Variants in CEACAM21 observed in about 807,000 individuals in gnomAD.
CEACAM21 encodes cell adhesion molecule CEACAM21.
CEACAM21 carries 38 observed loss-of-function variants against 33.2 expected under a neutral mutation model. The observed-to-expected ratio is 1.14, with a 90% CI of 0.88 to 1.50. The LOEUF (loss-of-function observed/expected upper bound fraction) is 1.50, where lower values mean the gene tolerates loss of function less well. Among genes scored for constraint, CEACAM21 ranks in the 40% most tolerant of loss-of-function variants. The pLI is 0.00. For synonymous variants in CEACAM21, 156 were observed against 143.0 expected (o/e 1.09, Z -0.65); for missense variants, 385 against 364.6 (o/e 1.06, Z -0.46).
chr19:41,571,897 G>A (rs1568597783), upstream of CEACAM21, among the ~76,000 whole-genome samples: 3 of 151,552 alleles, frequency 2.0e-5, no homozygotes, highest in Non-Finnish European at 4.4e-5. Flanking sequence ...GGCAGAATCT[G>A]TTGCCCACTC....
At position 41,586,454 on chromosome 19, in the gene CEACAM21, GT is replaced by G; in HGVS notation, c.*1-5del. The G allele has an allele frequency of 1.6e-6, 1 of 639,294 alleles. No homozygotes were observed. Among genetic ancestry groups the G allele is most frequent in the South Asian group, 1.4e-5 (1 of 73,482 alleles). 39.6% of individuals were successfully genotyped at this position (639,294 alleles called of 1,614,324 possible). A position where few individuals can be genotyped will look rare whatever the true frequency, so the allele number is the denominator to read the frequency against. The stretch of plus-strand genomic sequence containing the variant: ...CCTCAGGGGTCAAGACCTCTTCTCT[GT>G]TTTTACAGGAATTGCTACACTCTGA... On this transcript the variant is annotated splice_polypyrimidine_tract_variant and intron_variant, in intron 6 of 6. Transcript: ENST00000401445.
chr19:41,576,605 A>C (rs1555791143), intron 1 of CEACAM21, among the ~76,000 whole-genome samples: 1 of 152,250 alleles, frequency 6.6e-6, no homozygotes, highest in South Asian at 2.1e-4. Flanking sequence ...GTGACAATTT[A>C]AATAAAAACA....
intron 2 of CEACAM21, chr19:41,565,118 A>G (rs2042162827): frequency 6.6e-6 from 1 of 152,572 alleles, no homozygotes. Context: ...CTGGGAGGCC[A>G]GCTGTGGCTG....
At position 41,585,428 on chromosome 19, in the gene CEACAM21, C is replaced by T. The variant is rs143525927; in HGVS notation, c.798-15C>T. The T allele has an allele frequency of 3.3e-3, 5,273 of 1,613,716 alleles. 274 individuals carry two copies. In the Admixed American group the frequency reaches 0.083, roughly 25 times the overall value. On this transcript the variant is annotated splice_polypyrimidine_tract_variant and intron_variant, in intron 4 of 6. Transcript: ENST00000401445. ...TTAACCTTGCACCTTCACAAATAAC[C>T]CTGACCTTTCCTAGGGCCAGCGATC...
At chr19:41,572,400 GC>G (rs1251672448), upstream of CEACAM21, among the ~76,000 whole-genome samples, 4 of 152,100 alleles carry the variant, frequency 2.6e-5, no homozygotes, top group African/African-American at 9.7e-5. Context: ...CCTGCAAGCA[GC>G]CCCTGGAAGA....
intron 3 of CEACAM21, among the ~76,000 whole-genome samples, chr19:41,581,362 A>G (rs2043369025): frequency 6.6e-6 from 1 of 152,236 alleles, no homozygotes; most frequent in Non-Finnish European, 1.5e-5. Flanking sequence ...TAATATCTAT[A>G]GAAACAATGC....
chr19:41,577,058 G>A, intron 1 of CEACAM21, 142 bp from the exon 2 acceptor site: 1 of 850,052 alleles, frequency 1.2e-6, no homozygotes, highest in Non-Finnish European at 1.9e-6. Flanking sequence ...TGAGGGTCAT[G>A]CTGCTGACTT....
chr19:41,550,498 C>A (rs896349290), intron 1 of CEACAM21: 1 of 152,168 alleles, frequency 6.6e-6, no homozygotes, highest in Admixed American at 6.5e-5. Flanking sequence ...AGGCCGGGCG[C>A]GGTGGCTCAC....
intron 1 of CEACAM21, among the ~76,000 whole-genome samples, chr19:41,559,402 G>A (rs1262058929): frequency 6.6e-6 from 1 of 152,188 alleles, no homozygotes; most frequent in African/African-American, 2.4e-5. Context: ...AGCACATAGG[G>A]TGTAGCTGAA....
In CEACAM21 at chr19:41,586,607, A is replaced by G. The variant is rs140190479; in HGVS notation, c.*144A>G. 16 of 580,332 alleles carry G rather than the reference A, an allele frequency of 2.8e-5. No individual in the cohort carries two copies. In the East Asian group the frequency reaches 6.7e-4, roughly 24 times the overall value. The allele number at this position is 580,332 out of a possible 1,614,324, so 35.9% of individuals were successfully genotyped here. On this transcript the variant is annotated 3_prime_UTR_variant, in exon 7 of 7. Coordinates refer to ENST00000401445, the MANE Select transcript of CEACAM21 (RefSeq NM_001098506.4). ...GCCCTGGGGATGGGGAAGGACATGG[A>G]GCCTGAGCCAGAGAACCAGCTCTGA...
At chr19:41,586,169 A>C in intron 6 of CEACAM21, 1 of 588,664 alleles carries the variant, frequency 1.7e-6, no homozygotes, top group Non-Finnish European at 3.1e-6. Context: ...CCTACCCAGC[A>C]CCAGGGCAGC....
Position 41,579,524 on chromosome 19 carries a change from T to C in CEACAM21, c.596T>C (p.Leu199Pro), listed in dbSNP as rs1555792680. 2 of 1,613,452 alleles carry C rather than the reference T, an allele frequency of 1.2e-6. No individual in the cohort carries two copies. The highest frequency in any genetic ancestry group is 1.3e-5 in the African/African-American group (1 of 75,018). ...AAGCTGTCCTGGTTTAACCATGTGC[T>C]CACCATAGACCCCATCAGGCAGGAG... ...RMKLSWFNHV[L>P]TIDPIRQEDA... Residue 199 changes from leucine to proline, a missense_variant, in exon 3 of 7, where the codon CTC becomes CCC. Coordinates refer to ENST00000401445, the MANE Select transcript of CEACAM21 (RefSeq NM_001098506.4).
chr19:41,580,766 T>C (rs1245212172), intron 3 of CEACAM21, among the ~76,000 whole-genome samples: 4 of 152,230 alleles, frequency 2.6e-5, no homozygotes, highest in Non-Finnish European at 5.9e-5. Flanking sequence ...TATGATTGAT[T>C]TAATCATTGG....
Position 41,586,740 on chromosome 19 carries a change from T to G in CEACAM21, c.*277T>G, listed in dbSNP as rs895724392. On this transcript the variant is annotated 3_prime_UTR_variant, in exon 7 of 7. Transcript: ENST00000401445. ...GCTCTGGGTGGGCCAAGGCGAAGGCTTCCCATCACCACAGGAAGTGGGGGC... is the reference window on the plus strand; with the variant it reads ...GCTCTGGGTGGGCCAAGGCGAAGGCGTCCCATCACCACAGGAAGTGGGGGC... 5.4e-6 allele frequency: 2 copies of G among 367,480 alleles called. No individual in the cohort carries two copies. The highest frequency in any genetic ancestry group is 1.0e-5 in the Non-Finnish European group (2 of 190,838). 22.8% of individuals were successfully genotyped at this position (367,480 alleles called of 1,614,324 possible). A position where few individuals can be genotyped will look rare whatever the true frequency, so the allele number is the denominator to read the frequency against.
intron 3 of CEACAM21, among the ~76,000 whole-genome samples, 168 bp downstream of exon 3, chr19:41,579,796 C>T (rs1470672006): frequency 6.6e-6 from 1 of 152,148 alleles, no homozygotes; most frequent in African/African-American, 2.4e-5. Flanking sequence ...ATCCTGGTTA[C>T]AATAGGTACC....
chr19:41,555,548 G>A (rs2041480205), intron 1 of CEACAM21: 1 of 151,758 alleles, frequency 6.6e-6, no homozygotes, highest in South Asian at 2.1e-4. Flanking sequence ...GTGAAGAGTA[G>A]GCACATCTGG....
At chr19:41,575,662 A>T (rs1468819436), upstream of CEACAM21, among the ~76,000 whole-genome samples, 2 of 152,020 alleles carry the variant, frequency 1.3e-5, no homozygotes, top group Non-Finnish European at 2.9e-5. Flanking sequence ...ACCTCCCTCC[A>T]CACCTAGGAG....
intron 4 of CEACAM21, 42 bp downstream of exon 4, chr19:41,584,485 G>A: frequency 6.5e-7 from 1 of 1,530,062 alleles, no homozygotes; most frequent in Non-Finnish European, 8.9e-7. Context: ...CCTTCACGCT[G>A]ACCCCAGGCG....
At chr19:41,575,079 C>G (rs988986020), upstream of CEACAM21, among the ~76,000 whole-genome samples, 3 of 152,024 alleles carry the variant, frequency 2.0e-5, no homozygotes, top group Admixed American at 6.5e-5. Flanking sequence ...GAGAAATAAT[C>G]CAGAAAAAAA....
Sources: allele counts gnomAD v4.1 joint callset (sites outside exome capture counted in the v4.1 genomes callset), GRCh38; gene constraint gnomAD v4.1.1; transcripts MANE v1.5; gene names NCBI Gene and HGNC (gene_info 2026-07-23, HGNC 2026-07-21).